Variants in TAL1 observed in about 807,000 individuals in gnomAD.
TAL1 encodes the protein TAL bHLH transcription factor 1, erythroid differentiation factor, also known as T-cell acute lymphocytic leukemia protein 1.
A neutral mutation model predicts 17.9 loss-of-function variants in TAL1; 8 were observed. That is an observed-to-expected ratio of 0.45 (90% CI 0.26 to 0.81). The LOEUF is 0.81. TAL1 is among the 30% of genes least tolerant of loss of function. TAL1 has a pLI of 0.17. For synonymous variants in TAL1, 223 were observed against 218.6 expected (o/e 1.02, Z -0.18); for missense variants, 466 against 486.9 (o/e 0.96, Z 0.40).
At chr1:47,221,292 C>T (rs1643800019) in intron 3 of TAL1, among the ~76,000 whole-genome samples, 1 of 152,184 alleles carries the variant, frequency 6.6e-6, no homozygotes, top group Non-Finnish European at 1.5e-5. Context: ...CAGCCATGGC[C>T]TATAGCTCTA....
exon 2 of TAL1, chr1:47,225,703 G>A: frequency 2.1e-6 from 3 of 1,442,188 alleles, no homozygotes; most frequent in Admixed American, 2.9e-5. Context: ...CGGCAGGGCC[G>A]CCCCCCGGGC....
intron 3 of TAL1, among the ~76,000 whole-genome samples, chr1:47,222,253 G>GAAGT (rs1476573588): frequency 6.6e-6 from 1 of 152,316 alleles, no homozygotes; most frequent in East Asian, 1.9e-4. Flanking sequence ...AGATGGTGGG[G>GAAGT]AAGTGGTCAG....
At chr1:47,219,421 A>T in exon 4 of TAL1, 1 of 624,636 alleles carries the variant, frequency 1.6e-6, no homozygotes, top group Non-Finnish European at 3.0e-6. Flanking sequence ...GGCCAAAAGC[A>T]GTGACAACTC....
intron 3 of TAL1, among the ~76,000 whole-genome samples, chr1:47,221,446 G>T (rs1643805289): frequency 6.6e-6 from 1 of 152,182 alleles, no homozygotes; most frequent in Non-Finnish European, 1.5e-5. Context: ...CACTTATGGT[G>T]TGCAAAGCAC....
chr1:47,229,293 G>A, exon 1 of TAL1: 1 of 207,566 alleles, frequency 4.8e-6, no homozygotes. Context: ...CCGGGTCTTT[G>A]CTTTCCCCCT....
chr1:47,224,096 C>T (rs770137798), exon 3 of TAL1: 2 of 1,613,718 alleles, frequency 1.2e-6, no homozygotes, highest in East Asian at 2.2e-5. Flanking sequence ...CCCAAAGAAC[C>T]CGCTGTGGGA....
exon 4 of TAL1, chr1:47,219,959 G>A (rs774469518): frequency 9.2e-6 from 13 of 1,415,976 alleles, no homozygotes; most frequent in African/African-American, 3.3e-5. Context: ...GTCTTGGCCC[G>A]CTGGGTGCCC....
At chr1:47,225,702 C>G in exon 2 of TAL1, 3 of 1,443,444 alleles carry the variant, frequency 2.1e-6, no homozygotes, top group Non-Finnish European at 2.7e-6. Context: ...CCGGCAGGGC[C>G]GCCCCCCGGG....
upstream of TAL1, chr1:47,232,137 T>C: frequency 4.5e-6 from 1 of 222,164 alleles, no homozygotes; most frequent in East Asian, 6.5e-5. Flanking sequence ...GCGGGTTGCT[T>C]TTCCCCTAGA....
At chr1:47,232,247 C>G (rs1485120026), upstream of TAL1, 2 of 171,000 alleles carry the variant, frequency 1.2e-5, no homozygotes, top group Admixed American at 1.3e-4. Flanking sequence ...TCCCGCGGCC[C>G]CCGCTCCCCC....
chr1:47,225,869 C>T (rs543038162), exon 2 of TAL1: 9 of 1,580,296 alleles, frequency 5.7e-6, no homozygotes, highest in South Asian at 5.5e-5. Context: ...AGCCGCCTCG[C>T]TCGGCGGCCG....
exon 4 of TAL1, chr1:47,217,217 C>CAAA (rs36017365): frequency 3.2e-4 from 78 of 242,434 alleles, no homozygotes; most frequent in Non-Finnish European, 4.6e-4. Flanking sequence ...CCATCTCTAC[C>CAAA]AAAAAAAAAA....
exon 4 of TAL1, chr1:47,219,188 ACT>A (rs1645559049): frequency 9.3e-6 from 4 of 432,010 alleles, no homozygotes; most frequent in Non-Finnish European, 1.8e-5. Context: ...GAGGCTTGTG[ACT>A]CTGCAGCATC....
intron 1 of TAL1, among the ~76,000 whole-genome samples, chr1:47,226,419 A>G (rs1643912683): frequency 6.6e-6 from 1 of 152,182 alleles, no homozygotes; most frequent in South Asian, 2.1e-4. Context: ...GCACACACCC[A>G]GAAACCCGGT....
chr1:47,219,686 C>A, exon 4 of TAL1: 1 of 1,604,154 alleles, frequency 6.2e-7, no homozygotes, highest in East Asian at 2.2e-5. Context: ...AGCCTAAGAA[C>A]GCCCTCCTGG....
At chr1:47,225,534 C>A (rs1643893667) in exon 2 of TAL1, 1 of 1,270,368 alleles carries the variant, frequency 7.9e-7, no homozygotes. Flanking sequence ...CTCAGCTGCA[C>A]CATGCGGCCG....
chr1:47,222,044 T>A (rs1643821648), intron 3 of TAL1, among the ~76,000 whole-genome samples: 2 of 152,374 alleles, frequency 1.3e-5, no homozygotes, highest in Admixed American at 6.5e-5. Flanking sequence ...GCAGGGCAGT[T>A]CTACCCTGGG....
intron 3 of TAL1, chr1:47,223,697 G>A (rs187284867): frequency 3.6e-4 from 96 of 265,266 alleles, no homozygotes; most frequent in African/African-American, 1.6e-3. Context: ...AATGGAGCCC[G>A]GACTGGGGAC....
chr1:47,225,329 C>T (rs1415161469), intron 2 of TAL1, 114 bp downstream of exon 3: 3 of 1,021,656 alleles, frequency 2.9e-6, no homozygotes, highest in East Asian at 3.4e-5. Context: ...TCCCTGCGCT[C>T]CACCCGCTCG....
Sources: gnomAD v4.1 joint callset for allele counts (sites outside exome capture counted in the v4.1 genomes callset) on GRCh38, gnomAD v4.1.1 for gene constraint, MANE v1.5 for transcripts, NCBI Gene and HGNC (gene_info 2026-07-23, HGNC 2026-07-21) for gene names.